Variants in SMAD2 observed in about 807,000 individuals in gnomAD.
SMAD2 encodes MAD homolog 2.
SMAD2 carries 8 observed loss-of-function variants against 64.4 expected under a neutral mutation model. That is an observed-to-expected ratio of 0.12 (90% CI 0.07 to 0.22). SMAD2 has a LOEUF of 0.22. Ranked by LOEUF, SMAD2 falls within the 10% of genes least tolerant of loss-of-function variation. The pLI is 1.00. For synonymous variants in SMAD2, 203 were observed against 195.8 expected, an observed-to-expected ratio of 1.04 and a Z score of -0.31; for missense variants, 289 against 561.2, an observed-to-expected ratio of 0.51 and a Z score of 4.90.
At chr18:47,845,570 G>A (rs1170250919) in intron 9 of SMAD2, 86 bp from the exon 10 acceptor site, 11 of 1,563,400 alleles carry the variant, frequency 7.0e-6, no homozygotes, top group African/African-American at 5.4e-5. Flanking sequence ...TTTAGAATAT[G>A]AGCATGCAAT....
intron 8 of SMAD2, among the ~76,000 whole-genome samples, chr18:47,846,088 T>C (rs908561324): frequency 4.6e-5 from 7 of 152,254 alleles, no homozygotes; most frequent in Admixed American, 4.6e-4. Context: ...ATGATATATA[T>C]TAAGATAAGT....
At chr18:47,890,834 G>A (rs2033154647) in intron 2 of SMAD2, among the ~76,000 whole-genome samples, 1 of 152,174 alleles carries the variant, frequency 6.6e-6, no homozygotes, top group Non-Finnish European at 1.5e-5. Context: ...GCTTAAGAAT[G>A]GAAGAATACT....
chr18:47,868,282 G>T (rs72661146), intron 5 of SMAD2, 41 bp downstream of exon 5: 13 of 1,557,258 alleles, frequency 8.3e-6, no homozygotes, highest in Non-Finnish European at 1.2e-5. Context: ...AACAAAATTT[G>T]TATCTATCCA....
chr18:47,837,571 A>AC lies in SMAD2; in HGVS notation c.*4255_*4256insG, dbSNP rs1398484403. On this transcript the variant is annotated 3_prime_UTR_variant, in exon 11 of 11. Coordinates refer to ENST00000262160, the MANE Select transcript of SMAD2 (RefSeq NM_005901.6). ...AGCGAGACTCCCTCTCAAAAAAAAA[A>AC]AAAAAAAACAAAAAACAAGGCTAAC... is the stretch of plus-strand genomic sequence containing the variant. The AC allele has an allele frequency of 1.4e-4, 32 of 227,470 alleles. No individual in the cohort carries two copies. The highest frequency in any genetic ancestry group is 1.3e-3 in the Middle Eastern group (1 of 774). The allele number at this position is 227,470 out of a possible 1,614,324, so 14.1% of individuals were successfully genotyped here.
At chr18:47,904,618 T>G (rs551531368) in intron 1 of SMAD2, among the ~76,000 whole-genome samples, 7 of 152,042 alleles carry the variant, frequency 4.6e-5, no homozygotes, top group African/African-American at 1.7e-4. Context: ...TACTACTAGA[T>G]GCAAAAATCC....
chr18:47,926,037 C>A (rs1482289894), intron 1 of SMAD2, among the ~76,000 whole-genome samples: 1 of 152,140 alleles, frequency 6.6e-6, no homozygotes, highest in Admixed American at 6.5e-5. Flanking sequence ...TGCAGACTGA[C>A]AAAAAAATTA....
intron 1 of SMAD2, among the ~76,000 whole-genome samples, chr18:47,905,371 T>C (rs1196447111): frequency 2.0e-5 from 3 of 152,106 alleles, no homozygotes; most frequent in Non-Finnish European, 4.4e-5. Context: ...GTCCATTCTT[T>C]CCAATTTGAT....
rs1308448604 is a variant in SMAD2, at chr18:47,837,014, G to A, written c.*4813C>T. On this transcript the variant is annotated 3_prime_UTR_variant, in exon 11 of 11. Coordinates refer to ENST00000262160, the MANE Select transcript of SMAD2 (RefSeq NM_005901.6). Reference sequence around the variant, plus strand: ...ACAACAATCCAATATGCCCCAAGATGGAAATCTGGTATCGTAGGGAAAACA... The same window carrying A: ...ACAACAATCCAATATGCCCCAAGATAGAAATCTGGTATCGTAGGGAAAACA... 4.7e-6 allele frequency: 1 copy of A among 212,090 alleles called. No homozygotes were observed. The highest frequency in any genetic ancestry group is 9.5e-6 in the Non-Finnish European group (1 of 104,726). The allele number at this position is 212,090 out of a possible 1,614,324, so 13.1% of individuals were successfully genotyped here. A position where few individuals can be genotyped will look rare whatever the true frequency, so the allele number is the denominator to read the frequency against.
rs1912526019 is a variant in SMAD2 at position 47,820,340 on chromosome 18, T to A, written c.*21487A>T. 1 of 152,174 alleles carries A rather than the reference T, an allele frequency of 6.6e-6. No homozygotes were observed. The highest frequency in any genetic ancestry group is 1.5e-5 in the Non-Finnish European group (1 of 68,020). 9.4% of individuals were successfully genotyped at this position (152,174 alleles called of 1,614,324 possible). On this transcript the variant is annotated 3_prime_UTR_variant, in exon 11 of 11. Coordinates refer to ENST00000262160, the MANE Select transcript of SMAD2 (RefSeq NM_005901.6). Reference sequence around the variant, plus strand: ...AGGTTAATAAGTTAAAATTTGAAAATACACAATTCCATATACAAAGTGTAC... The same window carrying A: ...AGGTTAATAAGTTAAAATTTGAAAAAACACAATTCCATATACAAAGTGTAC...
chr18:47,878,873 T>C (rs2032420062), intron 2 of SMAD2, among the ~76,000 whole-genome samples: 2 of 152,226 alleles, frequency 1.3e-5, no homozygotes, highest in Admixed American at 1.3e-4. Context: ...CTCTCTCATG[T>C]ATCTACTTAA....
chr18:47,833,797 G>A lies in SMAD2; in HGVS notation c.*8030C>T, dbSNP rs1351320370. 4.3e-6 allele frequency: 1 copy of A among 230,844 alleles called. No homozygotes were observed. Among genetic ancestry groups the A allele is most frequent in the Non-Finnish European group, 8.6e-6 (1 of 116,498 alleles). The allele number at this position is 230,844 out of a possible 1,614,324, so 14.3% of individuals were successfully genotyped here. The stretch of plus-strand genomic sequence containing the variant: ...CGAGCAGAACAGACTGGGAAATGCA[G>A]TAGACGCCAGAGCATCAAAGGCCAT... On this transcript the variant is annotated 3_prime_UTR_variant, in exon 11 of 11. Transcript: ENST00000262160.
intron 1 of SMAD2, among the ~76,000 whole-genome samples, chr18:47,912,705 G>C (rs966166320): frequency 1.3e-5 from 2 of 152,040 alleles, no homozygotes; most frequent in Non-Finnish European, 2.9e-5. Context: ...TTTTGAGTTA[G>C]CATGAGTAAT....
intron 1 of SMAD2, among the ~76,000 whole-genome samples, chr18:47,918,246 T>C (rs567323365): frequency 2.0e-5 from 3 of 152,174 alleles, no homozygotes; most frequent in East Asian, 1.9e-4. Context: ...TGGGTATAAG[T>C]AGGAAGAAAA....
At chr18:47,915,126 T>C (rs2034283735) in intron 1 of SMAD2, among the ~76,000 whole-genome samples, 2 of 152,192 alleles carry the variant, frequency 1.3e-5, no homozygotes, top group Non-Finnish European at 2.9e-5. Flanking sequence ...TCTTAGCATT[T>C]TGCAGTACTT....
intron 6 of SMAD2, among the ~76,000 whole-genome samples, chr18:47,860,039 G>T (rs894702649): frequency 4.6e-5 from 7 of 152,176 alleles, no homozygotes; most frequent in African/African-American, 1.7e-4. Context: ...AGAGGCTAAA[G>T]TGGGGAAGAT....
intron 6 of SMAD2, among the ~76,000 whole-genome samples, chr18:47,854,154 G>A (rs1175846477): frequency 6.6e-6 from 1 of 151,122 alleles, no homozygotes. Flanking sequence ...CATAAATGCT[G>A]CTATTGGAGT....
At chr18:47,867,793 G>A (rs969872270) in intron 5 of SMAD2, among the ~76,000 whole-genome samples, 2 of 152,080 alleles carry the variant, frequency 1.3e-5, no homozygotes, top group African/African-American at 4.8e-5. Flanking sequence ...AAATTACTGA[G>A]ATGCAGACGA....
rs1263227259 is a variant in SMAD2 at position 47,841,112 on chromosome 18, C to T, written c.*715G>A. ...GAAAAAAGAGGCTTGGAAAGGTTTT[C>T]AGTATGGTTTCCTTATAATAAGATT... is the stretch of plus-strand genomic sequence containing the variant. On this transcript the variant is annotated 3_prime_UTR_variant, in exon 11 of 11. Coordinates refer to ENST00000262160, the MANE Select transcript of SMAD2 (RefSeq NM_005901.6). The T allele has an allele frequency of 2.2e-5, 5 of 229,342 alleles. No individual in the cohort carries two copies. Among genetic ancestry groups the T allele is most frequent in the African/African-American group, 4.5e-5 (2 of 44,168 alleles). The allele number at this position is 229,342 out of a possible 1,614,324, so 14.2% of individuals were successfully genotyped here.
intron 6 of SMAD2, among the ~76,000 whole-genome samples, chr18:47,860,816 C>T (rs573511024): frequency 8.6e-5 from 13 of 152,044 alleles, no homozygotes; most frequent in Admixed American, 3.9e-4. Context: ...AAAAATTTGA[C>T]AAAATTCAAC....
Sources: allele counts gnomAD v4.1 joint callset (sites outside exome capture counted in the v4.1 genomes callset), GRCh38; gene constraint gnomAD v4.1.1; transcripts MANE v1.5; gene names NCBI Gene and HGNC (gene_info 2026-07-23, HGNC 2026-07-21).